The following EPHA5 variants were observed in gnomAD, a reference collection of about 807,000 sequenced individuals.
EPHA5 encodes ephrin type-A receptor 5.
A neutral mutation model predicts 105.0 loss-of-function variants in EPHA5; 60 were observed. The observed-to-expected ratio is 0.57, with a 90% CI of 0.46 to 0.71. The LOEUF is 0.71. Among genes scored for constraint, EPHA5 ranks in the 30% least tolerant of loss-of-function variants. EPHA5 has a pLI of 0.00. For synonymous variants in EPHA5, 513 were observed against 449.1 expected (o/e 1.14, Z -1.80); for missense variants, 1,218 against 1,274.7 (o/e 0.96, Z 0.68).
At chr4:65,567,552 A>C (rs1315490250) in intron 3 of EPHA5, among the ~76,000 whole-genome samples, 1 of 151,654 alleles carries the variant, frequency 6.6e-6, no homozygotes, top group Non-Finnish European at 1.5e-5. Context: ...GGTGATAGCC[A>C]AACTGTCAGT....
At chr4:65,625,746 A>G (rs546464285) in intron 2 of EPHA5, among the ~76,000 whole-genome samples, 218 of 152,334 alleles carry the variant, frequency 1.4e-3, no homozygotes, top group Non-Finnish European at 2.5e-3. Flanking sequence ...AAATTTTGGC[A>G]TCATTCAACT....
chr4:65,401,847 T>C (rs1351949572), intron 8 of EPHA5, among the ~76,000 whole-genome samples: 2 of 151,938 alleles, frequency 1.3e-5, no homozygotes, highest in East Asian at 3.9e-4. Context: ...ATACTAAAAT[T>C]TCATTGTTCT....
At chr4:65,466,346 G>C (rs1336214221) in intron 5 of EPHA5, among the ~76,000 whole-genome samples, 1 of 152,204 alleles carries the variant, frequency 6.6e-6, no homozygotes, top group African/African-American at 2.4e-5. Context: ...AAAGGCAAAT[G>C]TACCTGGTAA....
At position 65,669,607 on chromosome 4, in the gene EPHA5, G is replaced by T. The variant is rs2149570984; in HGVS notation, c.136C>A (p.Leu46Met). 1 of 1,436,938 alleles carries T rather than the reference G, an allele frequency of 7.0e-7. No homozygotes were observed. Among genetic ancestry groups the T allele is most frequent in the Non-Finnish European group, 9.2e-7 (1 of 1,089,296 alleles). The allele number at this position is 1,436,938 out of a possible 1,614,324, so 89.0% of individuals were successfully genotyped here. A position where few individuals can be genotyped will look rare whatever the true frequency, so the allele number is the denominator to read the frequency against. Residue 46 changes from leucine to methionine, a missense_variant, in exon 1 of 17, where the codon CTG (leucine) becomes ATG (methionine). Coordinates refer to ENST00000613740, the MANE Select transcript of EPHA5 (RefSeq NM_001281766.3). ...RRAPLWTCLL[L>M]CAALRTLLAS... Reference sequence around the variant, plus strand: ...AGGAGGGTCCGGAGTGCGGCGCACAGGAGAAGGCACGTCCAGAGGGGAGCC... The same window carrying T: ...AGGAGGGTCCGGAGTGCGGCGCACATGAGAAGGCACGTCCAGAGGGGAGCC...
chr4:65,332,489 C>G (rs1017642501), intron 15 of EPHA5, among the ~76,000 whole-genome samples: 3 of 150,754 alleles, frequency 2.0e-5, no homozygotes, highest in African/African-American at 7.3e-5. Context: ...CACATTTGTC[C>G]AAATCTGTAA....
chr4:65,562,388 A>C (rs1307434242), intron 3 of EPHA5, among the ~76,000 whole-genome samples: 2 of 152,074 alleles, frequency 1.3e-5, no homozygotes, highest in East Asian at 1.9e-4. Flanking sequence ...CTCCAAAATG[A>C]CCATAAATAT....
At position 65,322,780 on chromosome 4, in the gene EPHA5, T is replaced by C; in HGVS notation, c.*1334A>G. On this transcript the variant is annotated 3_prime_UTR_variant, in exon 17 of 17. Transcript: ENST00000613740. ...AAACATCCATTAAAAATAAAACTTA[T>C]CAATTATTGAAATAAAATTCTGAAG... The C allele has an allele frequency of 4.4e-6, 1 of 227,846 alleles. No individual in the cohort carries two copies. 14.1% of individuals were successfully genotyped at this position (227,846 alleles called of 1,614,324 possible). A position where few individuals can be genotyped will look rare whatever the true frequency, so the allele number is the denominator to read the frequency against.
chr4:65,329,513 T>C (rs1452120181), intron 16 of EPHA5, among the ~76,000 whole-genome samples: 1 of 151,446 alleles, frequency 6.6e-6, no homozygotes, highest in Non-Finnish European at 1.5e-5. Context: ...AATTACAATG[T>C]AGTTTTTAAA....
chr4:65,339,711 C>G (rs1721522168), intron 14 of EPHA5, among the ~76,000 whole-genome samples: 3 of 149,914 alleles, frequency 2.0e-5, no homozygotes, highest in African/African-American at 4.9e-5. Flanking sequence ...GTGGCTGGAG[C>G]CTATCCCAGC....
chr4:65,396,448 C>T (rs1721246621), intron 8 of EPHA5, among the ~76,000 whole-genome samples: 1 of 152,162 alleles, frequency 6.6e-6, no homozygotes. Flanking sequence ...AGCAGGCCAC[C>T]CTGCAAGCAG....
chr4:65,501,197 A>C (rs1387654594), intron 3 of EPHA5, among the ~76,000 whole-genome samples: 1 of 151,526 alleles, frequency 6.6e-6, no homozygotes, highest in Non-Finnish European at 1.5e-5. Flanking sequence ...ATTATTGCTT[A>C]TACCAAAATT....
chr4:65,370,406 A>AT (rs1718342979), intron 8 of EPHA5, among the ~76,000 whole-genome samples: 1 of 152,144 alleles, frequency 6.6e-6, no homozygotes. Context: ...ATTGTGTAAA[A>AT]TTATCCAGAG....
intron 2 of EPHA5, among the ~76,000 whole-genome samples, chr4:65,627,764 T>C (rs1390980519): frequency 6.6e-6 from 1 of 152,174 alleles, no homozygotes; most frequent in Non-Finnish European, 1.5e-5. Flanking sequence ...TTCATCTTTA[T>C]CACCCCAACT....
intron 3 of EPHA5, among the ~76,000 whole-genome samples, chr4:65,499,974 T>C (rs982238435): frequency 1.3e-5 from 2 of 151,088 alleles, no homozygotes; most frequent in Non-Finnish European, 3.0e-5. Flanking sequence ...TTGAGTTGTG[T>C]GAGGAAAAAA....
chr4:65,604,741 A>C (rs138169775), intron 2 of EPHA5, among the ~76,000 whole-genome samples: 1 of 150,372 alleles, frequency 6.7e-6, no homozygotes, highest in Non-Finnish European at 1.5e-5. Flanking sequence ...AAAAAAAAAA[A>C]CCAAGAGGAT....
intron 3 of EPHA5, among the ~76,000 whole-genome samples, chr4:65,516,055 G>T (rs1169900173): frequency 6.6e-6 from 1 of 152,044 alleles, no homozygotes; most frequent in Non-Finnish European, 1.5e-5. Flanking sequence ...GGACTTCTCA[G>T]CCTTCATCAT....
At chr4:65,494,098 C>A (rs1731690184) in intron 4 of EPHA5, among the ~76,000 whole-genome samples, 1 of 152,196 alleles carries the variant, frequency 6.6e-6, no homozygotes, top group Non-Finnish European at 1.5e-5. Context: ...ATAAAAATTG[C>A]ATTTATTCAT....
chr4:65,575,407 A>G (rs183381350), intron 3 of EPHA5, among the ~76,000 whole-genome samples: 1 of 152,284 alleles, frequency 6.6e-6, no homozygotes, highest in African/African-American at 2.4e-5. Flanking sequence ...GTAACTCAAC[A>G]CAGAAATATT....
chr4:65,461,373 T>C (rs980575281), intron 5 of EPHA5, among the ~76,000 whole-genome samples: 2 of 151,974 alleles, frequency 1.3e-5, no homozygotes, highest in Admixed American at 1.3e-4. Flanking sequence ...TGTAAATCAC[T>C]GAAAAACAGA....
Sources: allele counts gnomAD v4.1 joint callset (sites outside exome capture counted in the v4.1 genomes callset), GRCh38; gene constraint gnomAD v4.1.1; transcripts MANE v1.5; gene names NCBI Gene and HGNC (gene_info 2026-07-23, HGNC 2026-07-21).